The following LINGO2 variants were observed in gnomAD, a reference collection of about 807,000 sequenced individuals.
The protein encoded by LINGO2 is leucine-rich repeat and immunoglobulin-like domain-containing nogo receptor-interacting protein 2.
A neutral mutation model predicts 30.6 loss-of-function variants in LINGO2; 14 were observed. The ratio of observed to expected loss-of-function variants is 0.46; its 90% CI spans 0.30 to 0.72. LINGO2 has a LOEUF of 0.72. Among genes scored for constraint, LINGO2 ranks in the 30% least tolerant of loss-of-function variants. The probability of loss-of-function intolerance (pLI) is 0.07; values close to 1 mark genes in which losing one functional copy is unlikely to be tolerated. For missense variants in LINGO2, 729 were observed against 751.7 expected, an observed-to-expected ratio of 0.97 and a Z score of 0.35; for synonymous variants, 317 against 288.5, an observed-to-expected ratio of 1.10 and a Z score of -1.00.
At chr9:28,403,777 A>G (rs1452839181) in intron 2 of LINGO2, among the ~76,000 whole-genome samples, 2 of 152,012 alleles carry the variant, frequency 1.3e-5, no homozygotes, top group Admixed American at 1.3e-4. Context: ...GTTCCTGCCT[A>G]TAAAATTGTG....
the LINGO2 span, among the ~76,000 whole-genome samples, chr9:28,859,148 T>G: frequency 6.6e-6 from 1 of 152,110 alleles, no homozygotes; most frequent in South Asian, 2.1e-4. Flanking sequence ...TTTTCAAGAA[T>G]TTAAAGTTTT....
At chr9:29,164,643 A>C in the LINGO2 span, among the ~76,000 whole-genome samples, 80 of 152,184 alleles carry the variant, frequency 5.3e-4, 1 homozygote, top group Admixed American at 1.2e-3. Flanking sequence ...CAGACAACAA[A>C]ATTAAGAAGC....
At chr9:28,703,342 T>C in the LINGO2 span, among the ~76,000 whole-genome samples, 1 of 151,952 alleles carries the variant, frequency 6.6e-6, no homozygotes, top group African/African-American at 2.4e-5. Context: ...TTTCAAAATA[T>C]TTTAAAATTT....
At chr9:28,123,436 G>T (rs1016390208) in intron 4 of LINGO2, among the ~76,000 whole-genome samples, 2 of 152,034 alleles carry the variant, frequency 1.3e-5, no homozygotes, top group African/African-American at 2.4e-5. Flanking sequence ...TCTCTCAGTT[G>T]TAAGTGTGTC....
At chr9:28,937,986 A>G in the LINGO2 span, among the ~76,000 whole-genome samples, 1 of 151,998 alleles carries the variant, frequency 6.6e-6, no homozygotes, top group African/African-American at 2.4e-5. Context: ...TCTCCGCTAC[A>G]TATTTATGTT....
chr9:28,910,227 G>C, the LINGO2 span, among the ~76,000 whole-genome samples: 1 of 151,712 alleles, frequency 6.6e-6, no homozygotes, highest in South Asian at 2.1e-4. Context: ...ATCTCTTGGG[G>C]CATAAAATCG....
chr9:28,708,739 C>T, the LINGO2 span, among the ~76,000 whole-genome samples: 1 of 112,326 alleles, frequency 8.9e-6, no homozygotes, highest in African/African-American at 4.5e-5. Flanking sequence ...CAAGCAGAAG[C>T]CTGCTGTCTG....
chr9:29,022,994 G>C, the LINGO2 span, among the ~76,000 whole-genome samples: 1 of 148,534 alleles, frequency 6.7e-6, no homozygotes, highest in Non-Finnish European at 1.5e-5. Flanking sequence ...AAAAAAAAGA[G>C]AGAAATTATT....
the LINGO2 span, among the ~76,000 whole-genome samples, chr9:28,686,098 G>T: frequency 6.6e-6 from 1 of 151,780 alleles, no homozygotes; most frequent in South Asian, 2.1e-4. Flanking sequence ...TTTCTGCCCA[G>T]ATATGGGGCA....
At chr9:28,111,915 A>G (rs563015321) in intron 4 of LINGO2, among the ~76,000 whole-genome samples, 55 of 151,486 alleles carry the variant, frequency 3.6e-4, no homozygotes, top group Admixed American at 5.9e-4. Flanking sequence ...TTATTTATTT[A>G]TTTTTTATTA....
At chr9:28,847,571 C>T in the LINGO2 span, among the ~76,000 whole-genome samples, 2 of 146,436 alleles carry the variant, frequency 1.4e-5, 1 homozygote, top group East Asian at 4.1e-4. Flanking sequence ...AACTGATTTT[C>T]TGCTTTGGAA....
the LINGO2 span, among the ~76,000 whole-genome samples, chr9:28,769,340 C>A: frequency 2.2e-3 from 325 of 149,236 alleles, 3 homozygotes; most frequent in African/African-American, 7.6e-3. Flanking sequence ...TTAATTCCTG[C>A]ATGTTAACAA....
chr9:28,998,794 T>C, the LINGO2 span, among the ~76,000 whole-genome samples: 3 of 152,188 alleles, frequency 2.0e-5, no homozygotes, highest in African/African-American at 7.2e-5. Context: ...CACCTGCTTT[T>C]AAAAACAGGA....
intron 4 of LINGO2, among the ~76,000 whole-genome samples, chr9:28,247,230 T>G (rs1320282812): frequency 6.6e-6 from 1 of 152,132 alleles, no homozygotes; most frequent in Non-Finnish European, 1.5e-5. Context: ...TGCCATTGGA[T>G]CCAGCAATCC....
At chr9:28,358,084 T>C (rs2134489406) in intron 3 of LINGO2, among the ~76,000 whole-genome samples, 1 of 152,284 alleles carries the variant, frequency 6.6e-6, no homozygotes, top group African/African-American at 2.4e-5. Flanking sequence ...CTATTATAAC[T>C]ACACCAAAAC....
chr9:29,186,773 G>T, the LINGO2 span, among the ~76,000 whole-genome samples: 1 of 151,762 alleles, frequency 6.6e-6, no homozygotes, highest in East Asian at 1.9e-4. Flanking sequence ...CACTTTCTAG[G>T]CAATGCCAAT....
At chr9:28,843,820 C>G in the LINGO2 span, among the ~76,000 whole-genome samples, 2 of 151,712 alleles carry the variant, frequency 1.3e-5, no homozygotes, top group African/African-American at 4.9e-5. Context: ...CCTATTGTTT[C>G]CCTGAGCTTA....
chr9:28,581,437 A>G (rs940489482), intron 1 of LINGO2, among the ~76,000 whole-genome samples: 1 of 151,502 alleles, frequency 6.6e-6, no homozygotes, highest in Non-Finnish European at 1.5e-5. Context: ...ATCATCCACT[A>G]TGATGATTTG....
intron 3 of LINGO2, among the ~76,000 whole-genome samples, chr9:28,357,323 C>G (rs1034382044): frequency 6.9e-6 from 1 of 145,124 alleles, no homozygotes; most frequent in Non-Finnish European, 1.5e-5. Context: ...AAGCCCACCC[C>G]CCCCAAAAAA....
Sources: allele counts gnomAD v4.1 joint callset (sites outside exome capture counted in the v4.1 genomes callset), GRCh38; gene constraint gnomAD v4.1.1; transcripts MANE v1.5; gene names NCBI Gene and HGNC (gene_info 2026-07-23, HGNC 2026-07-21).